The following L1TD1 variants were observed in gnomAD, a reference collection of about 807,000 sequenced individuals.
The protein encoded by L1TD1 is LINE1 type transposase domain containing 1.
A neutral mutation model predicts 25.7 loss-of-function variants in L1TD1; 26 were observed. The observed-to-expected ratio is 1.01, with a 90% confidence interval of 0.74 to 1.40. L1TD1 has a LOEUF of 1.40. Among genes scored for constraint, L1TD1 ranks in the 40% most tolerant of loss-of-function variants. The probability of loss-of-function intolerance (pLI) is 0.00; values close to 1 mark genes in which losing one functional copy is unlikely to be tolerated. For missense variants in L1TD1, 1,130 were observed against 975.0 expected (o/e 1.16, Z -2.12); for synonymous variants, 421 against 335.6 (o/e 1.25, Z -2.78).
At chr1:62,196,134 T>C (rs763589390) in intron 1 of L1TD1, among the ~76,000 whole-genome samples, 4 of 152,076 alleles carry the variant, frequency 2.6e-5, no homozygotes, top group Non-Finnish European at 4.4e-5. Context: ...GTTAGGCAAA[T>C]CGAATTCTTG....
intron 2 of L1TD1, among the ~76,000 whole-genome samples, chr1:62,204,204 CTA>C (rs1160681568): frequency 3.3e-5 from 5 of 152,118 alleles, no homozygotes; most frequent in African/African-American, 1.2e-4. Flanking sequence ...TGTTAATTCT[CTA>C]TAAGTTTCTG....
At position 62,205,373 on chromosome 1, in the gene L1TD1, T is replaced by TTCTCTCTCCC. The variant is rs1440066628; in HGVS notation, c.-110-1138_-110-1137insCCTCTCTCTC. Among the ~76,000 whole-genome samples the TTCTCTCTCCC allele has an allele frequency of 7.5e-3, 679 of 89,948 alleles. 42 individuals carry two copies. The highest frequency in any genetic ancestry group is 0.012 in the Non-Finnish European group (519 of 43,126). 59.0% of individuals were successfully genotyped at this position (89,948 alleles called of 152,430 possible). A position where few individuals can be genotyped will look rare whatever the true frequency, so the allele number is the denominator to read the frequency against. Reference sequence around the variant, plus strand: ...AAAATAAAACCAACGAAAACTCTCTTTCTCTCTCTCTCTCTTTCTCTCTCT... The same window carrying TTCTCTCTCCC: ...AAAATAAAACCAACGAAAACTCTCTTTCTCTCTCCCTCTCTCTCTCTCTCTTTCTCTCTCT... On this transcript the variant is annotated intron_variant, in intron 2 of 3. Coordinates refer to ENST00000498273, the MANE Select transcript of L1TD1 (RefSeq NM_019079.5).
At position 62,207,636 on chromosome 1, in the gene L1TD1, G is replaced by A. The variant is rs1670779622; in HGVS notation, c.1008G>A (p.Arg336=). 1.3e-6 allele frequency: 2 copies of A among 1,528,218 alleles called. No homozygotes were observed. 94.7% of individuals were successfully genotyped at this position (1,528,218 alleles called of 1,614,324 possible). ...GGRKYGIQEK[R]DKTLIDSKHR... ...GAAAATATGGAATTCAAGAAAAAAG[G>A]GTAAGCATACAAATGTATAAATGTA... is the stretch of plus-strand genomic sequence containing the variant. The change falls in exon 3 of 4, where the codon AGG becomes AGA. Residue 336 remains arginine, a splice_region_variant and synonymous_variant. Coordinates refer to ENST00000498273, the MANE Select transcript of L1TD1 (RefSeq NM_019079.5).
At position 62,211,464 on chromosome 1, in the gene L1TD1, G is replaced by A; in HGVS notation, c.*92G>A. On this transcript the variant is annotated 3_prime_UTR_variant, in exon 4 of 4. Transcript: ENST00000498273. ...AACGAAAATACACTTCTACCCAGAA[G>A]GATGGACAGCTAATAGCGTACTTGG... The A allele has an allele frequency of 6.6e-7, 1 of 1,504,076 alleles. No individual in the cohort carries two copies. The highest frequency in any genetic ancestry group is 1.4e-5 in the South Asian group (1 of 72,118). 93.2% of individuals were successfully genotyped at this position (1,504,076 alleles called of 1,614,324 possible). A position where few individuals can be genotyped will look rare whatever the true frequency, so the allele number is the denominator to read the frequency against.
chr1:62,207,929 C>T (rs997414979), intron 3 of L1TD1, among the ~76,000 whole-genome samples: 3 of 152,280 alleles, frequency 2.0e-5, no homozygotes, highest in Admixed American at 2.0e-4. Flanking sequence ...TCAGGCTGGT[C>T]TCAAACTCCC....
chr1:62,197,755 A>C (rs1019731367), intron 2 of L1TD1, among the ~76,000 whole-genome samples: 1 of 152,018 alleles, frequency 6.6e-6, no homozygotes, highest in Non-Finnish European at 1.5e-5. Context: ...GCACGCTTGT[A>C]GTCCCAGCTA....
intron 2 of L1TD1, among the ~76,000 whole-genome samples, chr1:62,201,595 CT>C (rs1415502318): frequency 6.6e-6 from 1 of 150,464 alleles, no homozygotes; most frequent in African/African-American, 2.5e-5. Flanking sequence ...TTTAATCTCT[CT>C]TTTTTCTTTC....
intron 3 of L1TD1, 34 bp from the exon 4 acceptor site, chr1:62,209,749 T>G (rs376298683): frequency 7.1e-7 from 1 of 1,403,148 alleles, no homozygotes; most frequent in African/African-American, 1.5e-5. Context: ...TTTAAACAAA[T>G]AACTCTTTTT....
chr1:62,203,475 C>T (rs1670680463), intron 2 of L1TD1, among the ~76,000 whole-genome samples: 5 of 152,058 alleles, frequency 3.3e-5, no homozygotes, highest in Admixed American at 1.3e-4. Context: ...GGTACAGTGG[C>T]GTGATCTTGG....
chr1:62,201,142 T>C (rs573336366), intron 2 of L1TD1, among the ~76,000 whole-genome samples: 125 of 152,244 alleles, frequency 8.2e-4, no homozygotes, highest in Non-Finnish European at 8.8e-4. Context: ...TTGGCCAGGC[T>C]GGTCTGGAAC....
chr1:62,203,922 C>T (rs10889297), intron 2 of L1TD1, among the ~76,000 whole-genome samples: 9,337 of 152,070 alleles, frequency 0.061, 570 homozygotes, highest in East Asian at 0.36. Flanking sequence ...GATGGGGTTT[C>T]GCCATCTCGG....
rs780587335 is a variant in L1TD1 at position 62,211,409 on chromosome 1, C to T, written c.*37C>T. 1 of 1,527,336 alleles carries T rather than the reference C, an allele frequency of 6.5e-7. No individual in the cohort carries two copies. The highest frequency in any genetic ancestry group is 1.3e-5 in the South Asian group (1 of 75,500). The allele number at this position is 1,527,336 out of a possible 1,614,324, so 94.6% of individuals were successfully genotyped here. Reference sequence around the variant, plus strand: ...GACTACAAACAATATGCTTTCCTCCCCCAGCATGCATCCAAAAATCAACAA... The same window carrying T: ...GACTACAAACAATATGCTTTCCTCCTCCAGCATGCATCCAAAAATCAACAA... On this transcript the variant is annotated 3_prime_UTR_variant, in exon 4 of 4. Transcript: ENST00000498273.
rs1279817269 is a variant in L1TD1, at chr1:62,210,696, G to A, written c.1922G>A (p.Gly641Asp). Residue 641 changes from glycine (G) to aspartate (D), a missense_variant, in exon 4 of 4, where the codon GGT becomes GAT. Physicochemically the swap from Gly to Asp is moderately conservative, Grantham distance 94. Transcript: ENST00000498273. ...EIGNLKSSHSGVLEIENSVDD... is the reference protein window; with the variant it reads ...EIGNLKSSHSDVLEIENSVDD... ...GGAAATTTGAAAAGTTCCCATTCAG[G>A]TGTCTTGGAAATTGAAAATTCAGTA... 1.7e-5 allele frequency: 27 copies of A among 1,552,346 alleles called. No individual in the cohort carries two copies. Among genetic ancestry groups the A allele is most frequent in the East Asian group, 2.4e-5 (1 of 40,920 alleles).
At chr1:62,207,761 G>GGAGT in intron 3 of L1TD1, 125 bp downstream of exon 3, 1 of 1,172,262 alleles carries the variant, frequency 8.5e-7, no homozygotes, top group Non-Finnish European at 1.1e-6. Context: ...CGGCCAGGTG[G>GGAGT]GAGTGCAGTG....
chr1:62,201,208 C>T (rs958386409), intron 2 of L1TD1, among the ~76,000 whole-genome samples: 3 of 152,106 alleles, frequency 2.0e-5, no homozygotes, highest in Admixed American at 6.6e-5. Flanking sequence ...GGATTACAGG[C>T]ATAAGCCACT....
intron 2 of L1TD1, among the ~76,000 whole-genome samples, chr1:62,202,546 C>G (rs79393649): frequency 1.1e-5 from 1 of 92,004 alleles, no homozygotes; most frequent in East Asian, 3.8e-4. Context: ...TTTTTCTTTT[C>G]TTTTTTTTTT....
intron 2 of L1TD1, among the ~76,000 whole-genome samples, chr1:62,203,239 CATTT>C (rs1270516506): frequency 2.3e-5 from 3 of 132,850 alleles, no homozygotes; most frequent in South Asian, 2.3e-4. Flanking sequence ...CTACCTCAAA[CATTT>C]ATCATTTCTT....
chr1:62,200,216 G>T (rs1308975306), intron 2 of L1TD1, among the ~76,000 whole-genome samples: 1 of 152,012 alleles, frequency 6.6e-6, no homozygotes, highest in East Asian at 1.9e-4. Context: ...CACTCTTGTT[G>T]CCCAGGTTGG....
At chr1:62,199,270 G>A (rs1423277829) in intron 2 of L1TD1, among the ~76,000 whole-genome samples, 1 of 152,130 alleles carries the variant, frequency 6.6e-6, no homozygotes, top group Non-Finnish European at 1.5e-5. Context: ...GGCTGAGGCA[G>A]GTGGATCACC....
Sources: gnomAD v4.1 joint callset for allele counts (sites outside exome capture counted in the v4.1 genomes callset) on GRCh38, gnomAD v4.1.1 for gene constraint, MANE v1.5 for transcripts, NCBI Gene and HGNC (gene_info 2026-07-23, HGNC 2026-07-21) for gene names.